CNTN5: variants seen among roughly 807,000 people sequenced by gnomAD.
The protein encoded by CNTN5 is contactin-5.
CNTN5 carries 77 observed loss-of-function variants against 129.1 expected under a neutral mutation model. The ratio of observed to expected loss-of-function variants is 0.60; its 90% CI spans 0.50 to 0.72. CNTN5 has a LOEUF of 0.72. CNTN5 is among the 30% of genes least tolerant of loss of function. CNTN5 has a pLI of 0.00. For synonymous variants in CNTN5, 509 were observed against 465.6 expected, an observed-to-expected ratio of 1.09 and a Z score of -1.20; for missense variants, 1,478 against 1,328.8, an observed-to-expected ratio of 1.11 and a Z score of -1.75.
At chr11:99,770,581 T>G (rs1319181278) in intron 3 of CNTN5, among the ~76,000 whole-genome samples, 1 of 152,102 alleles carries the variant, frequency 6.6e-6, no homozygotes, top group African/African-American at 2.4e-5. Context: ...TTTTCAAGTT[T>G]CCTATGTATT....
At chr11:100,029,351 G>C (rs977080437) in intron 9 of CNTN5, among the ~76,000 whole-genome samples, 4 of 152,076 alleles carry the variant, frequency 2.6e-5, no homozygotes, top group Admixed American at 1.3e-4. Context: ...GGGAGGCTGA[G>C]GCGGGTGGAT....
intron 3 of CNTN5, among the ~76,000 whole-genome samples, chr11:99,619,100 T>A (rs888678012): frequency 2.0e-5 from 3 of 152,142 alleles, no homozygotes; most frequent in African/African-American, 7.2e-5. Context: ...GTCAATAGAA[T>A]GCTTTAGTTA....
At chr11:100,166,026 G>C (rs542165143) in intron 13 of CNTN5, among the ~76,000 whole-genome samples, 2 of 151,748 alleles carry the variant, frequency 1.3e-5, no homozygotes, top group African/African-American at 4.8e-5. Context: ...CTCTGTTCCA[G>C]TTTACCTTCT....
chr11:100,094,278 C>T (rs1565234343), intron 13 of CNTN5, among the ~76,000 whole-genome samples: 1 of 152,160 alleles, frequency 6.6e-6, no homozygotes, highest in African/African-American at 2.4e-5. Flanking sequence ...ACCTCTTCAT[C>T]TCATTGTGTA....
chr11:99,308,473 A>G (rs1211333609), intron 1 of CNTN5, among the ~76,000 whole-genome samples: 3 of 152,172 alleles, frequency 2.0e-5, no homozygotes, highest in Non-Finnish European at 4.4e-5. Flanking sequence ...TTGGAATGTG[A>G]TAAGGACTCA....
At chr11:99,789,027 C>T (rs1478164206) in intron 3 of CNTN5, among the ~76,000 whole-genome samples, 13 of 151,510 alleles carry the variant, frequency 8.6e-5, no homozygotes, top group African/African-American at 2.9e-4. Flanking sequence ...TAACATCTCC[C>T]CAAAACCGTG....
intron 3 of CNTN5, among the ~76,000 whole-genome samples, chr11:99,589,118 C>T (rs1949898727): frequency 6.6e-6 from 1 of 152,112 alleles, no homozygotes; most frequent in Non-Finnish European, 1.5e-5. Context: ...CAAATTGGTA[C>T]ACAAACACTG....
intron 1 of CNTN5, among the ~76,000 whole-genome samples, chr11:99,267,916 A>ACG (rs1215426181): frequency 1.9e-4 from 19 of 99,886 alleles, no homozygotes; most frequent in African/African-American, 7.8e-4. Flanking sequence ...ACACACACAC[A>ACG]CACGCACACA....
chr11:99,742,468 G>A (rs1943916828), intron 3 of CNTN5, among the ~76,000 whole-genome samples: 2 of 152,100 alleles, frequency 1.3e-5, no homozygotes, highest in Admixed American at 1.3e-4. Flanking sequence ...TAATATTTTT[G>A]AATGACAGCT....
chr11:99,161,768 C>T (rs1228463195), intron 1 of CNTN5, among the ~76,000 whole-genome samples: 1 of 152,084 alleles, frequency 6.6e-6, no homozygotes, highest in African/African-American at 2.4e-5. Flanking sequence ...AGTCAGAAAC[C>T]ATTGTAGGTA....
intron 15 of CNTN5, among the ~76,000 whole-genome samples, chr11:100,217,878 A>G (rs963356740): frequency 6.6e-6 from 1 of 152,178 alleles, no homozygotes; most frequent in Admixed American, 6.6e-5. Context: ...GTGAGTTTAA[A>G]TACTACTCCT....
chr11:99,813,198 G>A (rs1946482365), intron 3 of CNTN5, among the ~76,000 whole-genome samples: 1 of 152,090 alleles, frequency 6.6e-6, no homozygotes, highest in African/African-American at 2.4e-5. Context: ...AATGTTAGAG[G>A]TTGCTGAAAG....
At chr11:100,015,473 CT>C (rs1940773902) in intron 9 of CNTN5, among the ~76,000 whole-genome samples, 1 of 152,130 alleles carries the variant, frequency 6.6e-6, no homozygotes, top group Non-Finnish European at 1.5e-5. Context: ...AATTAAAAAT[CT>C]GGTGGCCTAT....
chr11:99,620,703 G>T (rs1950918908), intron 3 of CNTN5, among the ~76,000 whole-genome samples: 1 of 151,304 alleles, frequency 6.6e-6, no homozygotes, highest in Admixed American at 6.6e-5. Context: ...TGGAAAGCTA[G>T]GCCCCCGCTC....
intron 13 of CNTN5, among the ~76,000 whole-genome samples, chr11:100,094,981 A>C (rs976495608): frequency 2.0e-5 from 3 of 152,128 alleles, no homozygotes; most frequent in Non-Finnish European, 4.4e-5. Flanking sequence ...CCTTTGCACA[A>C]ATATATTTAA....
intron 1 of CNTN5, among the ~76,000 whole-genome samples, chr11:99,299,380 T>C (rs1401167040): frequency 1.3e-5 from 2 of 152,038 alleles, no homozygotes; most frequent in African/African-American, 4.8e-5. Context: ...ATAAAAATTA[T>C]AAAGTTGGCA....
chr11:99,522,688 T>G (rs965053751), intron 2 of CNTN5, among the ~76,000 whole-genome samples: 1 of 152,196 alleles, frequency 6.6e-6, no homozygotes, highest in Non-Finnish European at 1.5e-5. Context: ...AAGGATCATA[T>G]GATTAATATA....
rs545414991 is a variant in CNTN5 at position 100,241,175 on chromosome 11, C to T, written c.2006-14585C>T. 2.0e-4 allele frequency among the ~76,000 whole-genome samples: 30 copies of T among 152,208 alleles called. No individual in the cohort carries two copies. In the South Asian group the frequency reaches 4.4e-3, roughly 22 times the overall value. On this transcript the variant is annotated intron_variant, in intron 16 of 24. Transcript: ENST00000524871. Reference sequence around the variant, plus strand: ...AAATTTCAGGATAGCATCTAGGTTGCGTGAAGTTTTAAATAAACAAGTTAC... The same window carrying T: ...AAATTTCAGGATAGCATCTAGGTTGTGTGAAGTTTTAAATAAACAAGTTAC...
intron 2 of CNTN5, among the ~76,000 whole-genome samples, chr11:99,531,350 C>A (rs1029159951): frequency 1.3e-5 from 2 of 152,162 alleles, no homozygotes; most frequent in Non-Finnish European, 2.9e-5. Flanking sequence ...GGCTTGGGAA[C>A]TGTTAAAGGC....
Sources: allele counts gnomAD v4.1 joint callset (sites outside exome capture counted in the v4.1 genomes callset), GRCh38; gene constraint gnomAD v4.1.1; transcripts MANE v1.5; gene names NCBI Gene and HGNC (gene_info 2026-07-23, HGNC 2026-07-21).